The following RALYL variants were observed in gnomAD, a reference collection of about 807,000 sequenced individuals.
The protein encoded by RALYL is RNA-binding Raly-like protein.
A neutral mutation model predicts 35.1 loss-of-function variants in RALYL; 29 were observed. That is an observed-to-expected ratio of 0.83 (90% CI 0.61 to 1.13). The LOEUF is 1.13. Ranked by LOEUF, RALYL falls within the 50% of genes most tolerant of loss-of-function variation. The pLI is 0.00. For missense variants in RALYL, 359 were observed against 360.4 expected (o/e 1.00, Z 0.03); for synonymous variants, 120 against 127.6 (o/e 0.94, Z 0.40).
intron 1 of RALYL, among the ~76,000 whole-genome samples, chr8:84,419,666 A>T (rs113895487): frequency 1.3e-3 from 198 of 149,500 alleles, no homozygotes; most frequent in African/African-American, 4.3e-3. Flanking sequence ...ATCTAGCATT[A>T]GGTATATCTC....
intron 2 of RALYL, among the ~76,000 whole-genome samples, chr8:84,537,873 C>T (rs1469280232): frequency 3.3e-5 from 5 of 152,180 alleles, no homozygotes; most frequent in African/African-American, 1.2e-4. Flanking sequence ...CAATATTGTG[C>T]ATAATTACTG....
chr8:84,568,848 T>C (rs1230316305), intron 2 of RALYL, among the ~76,000 whole-genome samples: 2 of 151,528 alleles, frequency 1.3e-5, no homozygotes, highest in Non-Finnish European at 3.0e-5. Context: ...ATAAATGTCT[T>C]CTTTTGAGAA....
At chr8:84,196,454 T>C (rs1279123301) in intron 1 of RALYL, among the ~76,000 whole-genome samples, 1 of 152,244 alleles carries the variant, frequency 6.6e-6, no homozygotes, top group Non-Finnish European at 1.5e-5. Context: ...ACAGCTGAAA[T>C]TAATTTTCAT....
intron 1 of RALYL, among the ~76,000 whole-genome samples, chr8:84,247,586 A>G (rs1443945284): frequency 6.6e-6 from 1 of 152,082 alleles, no homozygotes. Context: ...TTGTAAATAT[A>G]GAATAGGACG....
intron 2 of RALYL, among the ~76,000 whole-genome samples, chr8:84,569,397 A>AT (rs1483697276): frequency 6.6e-6 from 1 of 151,892 alleles, no homozygotes; most frequent in Non-Finnish European, 1.5e-5. Flanking sequence ...GTTCTGTCCC[A>AT]TTGATCTATA....
intron 2 of RALYL, among the ~76,000 whole-genome samples, chr8:84,700,947 A>G (rs146620620): frequency 4.3e-3 from 655 of 152,334 alleles, no homozygotes; most frequent in African/African-American, 0.015. Flanking sequence ...AAGTATTCAT[A>G]TAAAGAATTC....
chr8:84,532,217 C>T (rs551699355), intron 2 of RALYL, among the ~76,000 whole-genome samples: 167 of 151,916 alleles, frequency 1.1e-3, no homozygotes, highest in Non-Finnish European at 2.1e-3. Flanking sequence ...ATATACCCAG[C>T]GGTTTTTTTG....
intron 1 of RALYL, among the ~76,000 whole-genome samples, chr8:84,204,911 A>T (rs1047513975): frequency 6.6e-6 from 1 of 152,056 alleles, no homozygotes; most frequent in Non-Finnish European, 1.5e-5. Flanking sequence ...CAGTCCTCAG[A>T]GCTTTATTGT....
At chr8:84,220,597 T>G (rs962035890) in intron 1 of RALYL, among the ~76,000 whole-genome samples, 1 of 152,014 alleles carries the variant, frequency 6.6e-6, no homozygotes, top group Non-Finnish European at 1.5e-5. Flanking sequence ...GATTTTTACA[T>G]CAGAACATAA....
At chr8:84,419,329 T>C (rs1478968518) in intron 1 of RALYL, among the ~76,000 whole-genome samples, 3 of 152,146 alleles carry the variant, frequency 2.0e-5, no homozygotes, top group East Asian at 3.9e-4. Context: ...CATTCTGCTT[T>C]AGCAAACTCA....
At chr8:84,221,967 ATATC>A (rs760951861) in intron 1 of RALYL, among the ~76,000 whole-genome samples, 1 of 152,056 alleles carries the variant, frequency 6.6e-6, no homozygotes, top group Non-Finnish European at 1.5e-5. Flanking sequence ...TTTATTTTAA[ATATC>A]TATCTTTGTG....
At chr8:84,743,111 C>T (rs545210872) in intron 2 of RALYL, among the ~76,000 whole-genome samples, 8 of 152,040 alleles carry the variant, frequency 5.3e-5, no homozygotes, top group East Asian at 1.9e-4. Context: ...ATTTTTGCAG[C>T]GCTTCTGATA....
At chr8:84,562,114 G>C (rs995930377) in intron 2 of RALYL, among the ~76,000 whole-genome samples, 2 of 151,908 alleles carry the variant, frequency 1.3e-5, no homozygotes, top group African/African-American at 4.8e-5. Context: ...GATTAAAAAT[G>C]CAAACTCAGT....
chr8:84,240,557 G>A (rs1272007597), intron 1 of RALYL, among the ~76,000 whole-genome samples: 1 of 152,292 alleles, frequency 6.6e-6, no homozygotes, highest in East Asian at 1.9e-4. Context: ...GGTGAAATAT[G>A]TGAATTCATT....
intron 1 of RALYL, among the ~76,000 whole-genome samples, chr8:84,229,271 A>G (rs1335261917): frequency 6.6e-6 from 1 of 152,194 alleles, no homozygotes; most frequent in African/African-American, 2.4e-5. Context: ...CTGAGTCATA[A>G]CAGATGCATA....
chr8:84,525,579 T>C (rs2058816738), intron 1 of RALYL, among the ~76,000 whole-genome samples: 1 of 152,150 alleles, frequency 6.6e-6, no homozygotes, highest in Admixed American at 6.5e-5. Context: ...ATTTTTCTAC[T>C]AGCTCCTTGG....
At chr8:84,678,810 C>T (rs1027370435) in intron 2 of RALYL, 1 of 160,318 alleles carries the variant, frequency 6.2e-6, no homozygotes, top group Non-Finnish European at 1.4e-5. Flanking sequence ...GCTGGATTAC[C>T]TCAGTGCTGA....
At chr8:84,871,690 G>C (rs1840216630) in intron 6 of RALYL, among the ~76,000 whole-genome samples, 1 of 152,042 alleles carries the variant, frequency 6.6e-6, no homozygotes, top group African/African-American at 2.4e-5. Context: ...ATTCCTCAGA[G>C]GGATACTCTA....
At chr8:84,863,417 G>A (rs1838518115) in intron 6 of RALYL, among the ~76,000 whole-genome samples, 1 of 152,148 alleles carries the variant, frequency 6.6e-6, no homozygotes. Flanking sequence ...AGTCTGGCTG[G>A]GGATCAGGTC....
Sources: allele counts gnomAD v4.1 joint callset (sites outside exome capture counted in the v4.1 genomes callset), GRCh38; gene constraint gnomAD v4.1.1; transcripts MANE v1.5; gene names NCBI Gene and HGNC (gene_info 2026-07-23, HGNC 2026-07-21).